Variants in NECTIN1 observed in about 807,000 individuals in gnomAD.
NECTIN1 encodes the protein nectin-1.
Under a neutral mutation model 48.0 loss-of-function variants are expected in NECTIN1, and 23 were observed. The observed-to-expected ratio is 0.48, with a 90% CI of 0.34 to 0.68. NECTIN1 has a LOEUF of 0.68. Among genes scored for constraint, NECTIN1 ranks in the 30% least tolerant of loss-of-function variants. The pLI is 0.01. For missense variants in NECTIN1, 591 were observed against 709.9 expected, an observed-to-expected ratio of 0.83 and a Z score of 1.90; for synonymous variants, 270 against 288.9, an observed-to-expected ratio of 0.93 and a Z score of 0.66.
intron 5 of NECTIN1, chr11:119,654,132 G>A (rs1864531846): frequency 6.6e-6 from 1 of 152,224 alleles, no homozygotes; most frequent in Non-Finnish European, 1.5e-5. Flanking sequence ...TTGCAGGGAT[G>A]CATGAAAATT....
chr11:119,678,347 C>T lies in NECTIN1; in HGVS notation c.430+68G>A. The stretch of plus-strand genomic sequence containing the variant: ...GGATGTCTGGGGTCATTGAGGCATC[C>T]TGAGGATGGCCACGCCCCGAGGTCA... On this transcript the variant is annotated intron_variant, in intron 2 of 5. Coordinates refer to ENST00000264025, the MANE Select transcript of NECTIN1 (RefSeq NM_002855.5). This position sits in a 1 kb window ranked among gnomAD's most constrained non-coding sequence, Gnocchi z 4.4. The T allele has an allele frequency of 6.9e-7, 1 of 1,440,422 alleles. No individual in the cohort carries two copies. The highest frequency in any genetic ancestry group is 9.8e-7 in the Non-Finnish European group (1 of 1,025,048). The allele number at this position is 1,440,422 out of a possible 1,614,324, so 89.2% of individuals were successfully genotyped here. A position where few individuals can be genotyped will look rare whatever the true frequency, so the allele number is the denominator to read the frequency against.
intron 1 of NECTIN1, among the ~76,000 whole-genome samples, chr11:119,679,376 C>T (rs2135553167): frequency 6.6e-6 from 1 of 152,290 alleles, no homozygotes; most frequent in South Asian, 2.1e-4. Flanking sequence ...TCATCATGGC[C>T]ACCCCTGCTG....
chr11:119,664,691 G>T lies in NECTIN1; in HGVS notation c.*56C>A. ...GTGGGAGGTGGGGGGTGGGCAGGGG[G>T]CGTGCGGGGAGGGGCTGGGGAGGAG... On this transcript the variant is annotated 3_prime_UTR_variant, in exon 6 of 6. Coordinates refer to ENST00000264025, the MANE Select transcript of NECTIN1 (RefSeq NM_002855.5). 34 of 1,494,048 alleles carry T rather than the reference G, an allele frequency of 2.3e-5. No homozygotes were observed. The highest frequency in any genetic ancestry group is 3.0e-5 in the Non-Finnish European group (33 of 1,113,104). 92.5% of individuals were successfully genotyped at this position (1,494,048 alleles called of 1,614,324 possible).
rs540791927 is a variant in NECTIN1, at chr11:119,663,620, C to T, written c.*1127G>A. On this transcript the variant is annotated 3_prime_UTR_variant, in exon 6 of 6. Coordinates refer to ENST00000264025, the MANE Select transcript of NECTIN1 (RefSeq NM_002855.5). ...GTGGGCTTCCTTCCCCACTACCCTC[C>T]GTGTGGATGCTTCTTTACCTCTGAC... 29 of 985,676 alleles carry T rather than the reference C, an allele frequency of 2.9e-5. No individual in the cohort carries two copies. Among genetic ancestry groups the T allele is most frequent in the South Asian group, 2.3e-4 (5 of 21,294 alleles). The allele number at this position is 985,676 out of a possible 1,614,324, so 61.1% of individuals were successfully genotyped here. A position where few individuals can be genotyped will look rare whatever the true frequency, so the allele number is the denominator to read the frequency against.
In NECTIN1 at chr11:119,664,193, C is replaced by T. The variant is rs369160682; in HGVS notation, c.*554G>A. The T allele has an allele frequency of 4.1e-4, 406 of 987,060 alleles. 1 individual carries two copies. Among genetic ancestry groups the T allele is most frequent in the Middle Eastern group, 1.6e-3 (3 of 1,914 alleles). The allele number at this position is 987,060 out of a possible 1,614,324, so 61.1% of individuals were successfully genotyped here. On this transcript the variant is annotated 3_prime_UTR_variant, in exon 6 of 6. Transcript: ENST00000264025. ...GGAACTGGGGAGAAGCCGCACCCCT[C>T]CCCCTACCTCTTGGGCGCACCAGCT... is the stretch of plus-strand genomic sequence containing the variant.
intron 1 of NECTIN1, among the ~76,000 whole-genome samples, chr11:119,717,683 T>A (rs1293065009): frequency 6.6e-6 from 1 of 152,182 alleles, no homozygotes; most frequent in Non-Finnish European, 1.5e-5. Context: ...CTGCCACTGA[T>A]TCAAAACCCT....
chr11:119,709,998 C>T lies in NECTIN1; in HGVS notation c.79+18477G>A, dbSNP rs1865609950. The T allele has an allele frequency of 6.6e-6, 1 of 152,238 alleles. No homozygotes were observed. Among genetic ancestry groups the T allele is most frequent in the African/African-American group, 2.4e-5 (1 of 41,426 alleles). The allele number at this position is 152,238 out of a possible 1,614,324, so 9.4% of individuals were successfully genotyped here. ...CTCAGCCCCCAGGATGGACGGGAAA[C>T]CCTGGGTCACCGTTCTTGGAGGGGG... On this transcript the variant is annotated intron_variant, in intron 1 of 5. Transcript: ENST00000264025. The surrounding 1 kb of genome is among the most constrained non-coding windows in gnomAD (Gnocchi z 4.1).
At chr11:119,700,632 G>C (rs7924573) in intron 1 of NECTIN1, among the ~76,000 whole-genome samples, 52,697 of 152,072 alleles carry the variant, frequency 0.35, 9,730 homozygotes, top group East Asian at 0.48. Flanking sequence ...ACATTCCCAG[G>C]GTCCTGTAGC....
intron 1 of NECTIN1, among the ~76,000 whole-genome samples, chr11:119,720,645 A>G (rs1276108328): frequency 6.6e-6 from 1 of 152,214 alleles, no homozygotes; most frequent in Non-Finnish European, 1.5e-5. Context: ...CTTGTTTTTC[A>G]TGGACACCTC....
intron 5 of NECTIN1, among the ~76,000 whole-genome samples, chr11:119,666,085 G>T (rs567455101): frequency 6.6e-6 from 1 of 152,326 alleles, no homozygotes; most frequent in African/African-American, 2.4e-5. Context: ...TGGGTTATAA[G>T]TGTAAGACAC....
chr11:119,639,957 G>C (rs368086348), exon 6 of NECTIN1: 3 of 1,614,004 alleles, frequency 1.9e-6, no homozygotes, highest in Non-Finnish European at 2.5e-6. Context: ...ACACGGCCAC[G>C]GTGCCCGCCA....
At position 119,673,061 on chromosome 11, in the gene NECTIN1, C is replaced by T. The variant is rs550694999; in HGVS notation, c.1003+2098G>A. On this transcript the variant is annotated intron_variant, in intron 5 of 5. Transcript: ENST00000264025. The surrounding 1 kb of genome is among the most constrained non-coding windows in gnomAD (Gnocchi z 5.8). ...AAATTAAATTTCCACTTATCCCTCT[C>T]GCTCATGCATTCCCTCTGGACCAGT... Among the ~76,000 whole-genome samples, 7 of 152,366 alleles carry T rather than the reference C, an allele frequency of 4.6e-5. No individual in the cohort carries two copies. In the South Asian group the frequency reaches 8.3e-4, roughly 18 times the overall value.
At chr11:119,685,193 T>G (rs1865135412) in intron 1 of NECTIN1, among the ~76,000 whole-genome samples, 1 of 152,208 alleles carries the variant, frequency 6.6e-6, no homozygotes, top group Non-Finnish European at 1.5e-5. Flanking sequence ...GAGCCCACAG[T>G]CAGGGGCTAA....
chr11:119,687,565 C>T (rs185633613), intron 1 of NECTIN1, among the ~76,000 whole-genome samples: 22 of 152,302 alleles, frequency 1.4e-4, no homozygotes, highest in Non-Finnish European at 2.5e-4. Flanking sequence ...GGATTTCCCT[C>T]GGCAAGTGTG....
At chr11:119,638,366 C>A in intron 7 of NECTIN1, 1 of 1,299,718 alleles carries the variant, frequency 7.7e-7, no homozygotes, top group East Asian at 2.4e-5. Context: ...ATTCTGGCAT[C>A]CCCCACACTG....
At chr11:119,674,224 G>A (rs1162326255) in intron 5 of NECTIN1, among the ~76,000 whole-genome samples, 1 of 152,120 alleles carries the variant, frequency 6.6e-6, no homozygotes, top group East Asian at 1.9e-4. Flanking sequence ...GTCACAGTGG[G>A]ACACCACTTC....
intron 1 of NECTIN1, among the ~76,000 whole-genome samples, chr11:119,687,946 C>G (rs1448933805): frequency 6.6e-6 from 1 of 152,030 alleles, no homozygotes; most frequent in African/African-American, 2.4e-5. Flanking sequence ...GCAGGGAACA[C>G]TCATTCTAAT....
intron 1 of NECTIN1, among the ~76,000 whole-genome samples, chr11:119,702,053 G>A (rs1865465292): frequency 6.6e-6 from 1 of 152,226 alleles, no homozygotes; most frequent in Non-Finnish European, 1.5e-5. Context: ...GAAGTCCGAT[G>A]GCAGGGCTGG....
At chr11:119,646,743 T>G (rs1864400774) in intron 5 of NECTIN1, among the ~76,000 whole-genome samples, 1 of 152,172 alleles carries the variant, frequency 6.6e-6, no homozygotes, top group Admixed American at 6.5e-5. Context: ...TGCCTCCATC[T>G]CTCAGTTTAT....
Sources: gnomAD v4.1 joint callset for allele counts (sites outside exome capture counted in the v4.1 genomes callset) on GRCh38, gnomAD v4.1.1 for gene constraint, Gnocchi (gnomAD v3.1) non-coding constraint, MANE v1.5 for transcripts, NCBI Gene and HGNC (gene_info 2026-07-23, HGNC 2026-07-21) for gene names.